The following MTO1 variants were observed in gnomAD, a reference collection of about 807,000 sequenced individuals.
The protein encoded by MTO1 is mitochondrial tRNA translation optimization 1, also known as 5-taurinomethyluridine-[tRNA] synthase subunit MTO1, mitochondrial.
In MTO1, 46 loss-of-function variants were observed where a neutral mutation model predicts 71.6. The ratio of observed to expected loss-of-function variants is 0.64; its 90% CI spans 0.51 to 0.82. The LOEUF (loss-of-function observed/expected upper bound fraction) is 0.82. Among genes scored for constraint, MTO1 ranks in the 40% least tolerant of loss-of-function variants. The pLI, the probability that MTO1 is intolerant of heterozygous loss-of-function variation, is 0.00. For missense variants in MTO1, 773 were observed against 867.5 expected (o/e 0.89, Z 1.37); for synonymous variants, 297 against 312.1 (o/e 0.95, Z 0.51).
In MTO1 at chr6:73,504,486, T is replaced by C. The variant is rs1561957491; in HGVS notation, c.*3751T>C. ...TAAGAAGATATAAGCCTTGTAAATA[T>C]AAGCAATATCACAGTTGTAGATACT... On this transcript the variant is annotated 3_prime_UTR_variant, in exon 12 of 12. Transcript: ENST00000498286. The C allele has an allele frequency of 6.6e-6, 1 of 152,220 alleles. No individual in the cohort carries two copies. Among genetic ancestry groups the C allele is most frequent in the Non-Finnish European group, 1.5e-5 (1 of 68,038 alleles). 9.4% of individuals were successfully genotyped at this position (152,220 alleles called of 1,614,324 possible). A position where few individuals can be genotyped will look rare whatever the true frequency, so the allele number is the denominator to read the frequency against.
intron 10 of MTO1, among the ~76,000 whole-genome samples, chr6:73,494,376 T>A (rs1023480053): frequency 1.3e-5 from 2 of 151,986 alleles, no homozygotes; most frequent in African/African-American, 4.8e-5. Context: ...CAAAGTTGGA[T>A]GATGGTGTGC....
At chr6:73,484,146 A>G (rs567229860) in intron 9 of MTO1, among the ~76,000 whole-genome samples, 60 of 152,302 alleles carry the variant, frequency 3.9e-4, no homozygotes, top group African/African-American at 1.4e-3. Flanking sequence ...TTTTAATAAT[A>G]GTAACAGCAG....
intron 9 of MTO1, among the ~76,000 whole-genome samples, chr6:73,485,351 T>C (rs1319624340): frequency 6.6e-6 from 1 of 152,210 alleles, no homozygotes; most frequent in African/African-American, 2.4e-5. Flanking sequence ...AGATTCCTTT[T>C]TAATTCAGGC....
rs1323983240 is a variant in MTO1 at position 73,477,411 on chromosome 6, A to G, written c.826-2321A>G. 1.3e-3 allele frequency among the ~76,000 whole-genome samples: 190 copies of G among 151,300 alleles called. 1 individual carries two copies. Among genetic ancestry groups the G allele is most frequent in the African/African-American group, 4.2e-3 (174 of 41,412 alleles). On this transcript the variant is annotated intron_variant, in intron 4 of 11. Coordinates refer to ENST00000498286, the MANE Select transcript of MTO1 (RefSeq NM_012123.4). ...TATGTCTCAAAAAAAAAAAAAAAAA[A>G]AAAAGAAATTCGGAGAATTTAACAC... is the stretch of plus-strand genomic sequence containing the variant.
At chr6:73,474,076 G>A (rs964428338) in intron 4 of MTO1, among the ~76,000 whole-genome samples, 12 of 150,356 alleles carry the variant, frequency 8.0e-5, no homozygotes, top group Admixed American at 6.0e-4. Context: ...GTAAACCACC[G>A]AACCCAGCCA....
chr6:73,499,970 A>G (rs895426529), intron 11 of MTO1, among the ~76,000 whole-genome samples: 1 of 152,222 alleles, frequency 6.6e-6, no homozygotes, highest in African/African-American at 2.4e-5. Flanking sequence ...GATATATCTT[A>G]TTACAAAAAC....
chr6:73,494,013 A>T (rs1771913432), intron 10 of MTO1, among the ~76,000 whole-genome samples: 1 of 151,944 alleles, frequency 6.6e-6, no homozygotes, highest in Non-Finnish European at 1.5e-5. Flanking sequence ...TGGGCAGATC[A>T]CCTGAGGTCA....
intron 11 of MTO1, among the ~76,000 whole-genome samples, chr6:73,500,050 A>G (rs954108476): frequency 6.6e-6 from 1 of 152,102 alleles, no homozygotes; most frequent in Non-Finnish European, 1.5e-5. Context: ...CCCAGGCTGG[A>G]GTGCAGTGGC....
chr6:73,478,650 T>C (rs964904828), intron 4 of MTO1, among the ~76,000 whole-genome samples: 6 of 152,182 alleles, frequency 3.9e-5, no homozygotes, highest in African/African-American at 1.2e-4. Flanking sequence ...GCGATTCTCC[T>C]GCCTGAGCCT....
At chr6:73,479,900 T>C (rs750609395) in intron 5 of MTO1, 36 bp from the exon 6 acceptor site, 137 of 1,603,894 alleles carry the variant, frequency 8.5e-5, no homozygotes, top group Non-Finnish European at 1.1e-4. Flanking sequence ...AATCCTCTTT[T>C]GTTCATTTCA....
In MTO1 at chr6:73,503,244, G is replaced by A. The variant is rs1033417886; in HGVS notation, c.*2509G>A. ...ATGCCTCAGCCTCCCAAGTGGCTGG[G>A]ACTACAGGCACATGCCACCATGCCT... On this transcript the variant is annotated 3_prime_UTR_variant, in exon 12 of 12. Coordinates refer to ENST00000498286, the MANE Select transcript of MTO1 (RefSeq NM_012123.4). 10 of 152,112 alleles carry A rather than the reference G, an allele frequency of 6.6e-5. No homozygotes were observed. The highest frequency in any genetic ancestry group is 2.2e-4 in the African/African-American group (9 of 41,384). The allele number at this position is 152,112 out of a possible 1,614,324, so 9.4% of individuals were successfully genotyped here.
chr6:73,470,932 G>A (rs1463476729), intron 3 of MTO1, among the ~76,000 whole-genome samples: 2 of 152,036 alleles, frequency 1.3e-5, no homozygotes, highest in Non-Finnish European at 2.9e-5. Flanking sequence ...CAGCCTGGGT[G>A]AGAGAGCAAG....
intron 11 of MTO1, among the ~76,000 whole-genome samples, chr6:73,499,059 T>G (rs1772080445): frequency 6.6e-6 from 1 of 152,100 alleles, no homozygotes; most frequent in Non-Finnish European, 1.5e-5. Context: ...AAATTGATGG[T>G]GTGTCACAGT....
In MTO1 at chr6:73,500,632, GA is replaced by G. The variant is rs1561955913; in HGVS notation, c.1977del (p.Arg659SerfsTer3). ...CCTGCCGCCATCATCAATCTGCTGA[GA>G]TTTGTGAAGACCACTCAACGAAGAC... ...VTPAAIINLL[R>X]FVKTTQRRQS... On this transcript the variant is annotated frameshift_variant, in exon 12 of 12. Transcript: ENST00000498286. LOFTEE classifies it low-confidence loss of function (END_TRUNC). The G allele has an allele frequency of 6.2e-7, 1 of 1,613,940 alleles. No individual in the cohort carries two copies. The highest frequency in any genetic ancestry group is 1.3e-5 in the African/African-American group (1 of 75,010).
chr6:73,482,700 A>G (rs1771541080), intron 9 of MTO1, 80 bp downstream of exon 9: 5 of 1,183,290 alleles, frequency 4.2e-6, no homozygotes, highest in East Asian at 2.5e-5. Flanking sequence ...GACATTACCT[A>G]TGTGTTCCTA....
At chr6:73,472,020 C>T (rs1298021454) in intron 3 of MTO1, among the ~76,000 whole-genome samples, 1 of 152,090 alleles carries the variant, frequency 6.6e-6, no homozygotes, top group African/African-American at 2.4e-5. Flanking sequence ...GAGGACAAAA[C>T]CTTAATGTGT....
In MTO1 at chr6:73,488,811, A is replaced by G. The variant is rs557326357; in HGVS notation, c.1638-3423A>G. Among the ~76,000 whole-genome samples, 8 of 152,162 alleles carry G rather than the reference A, an allele frequency of 5.3e-5. No homozygotes were observed. The South Asian group carries it at 1.7e-3, about 32-fold the overall frequency. ...CACATGTCTGTAGTCCCAGCTACTGAGCGGGCTGAAGCACGAGAATTGCTT... is the reference window on the plus strand; with the variant it reads ...CACATGTCTGTAGTCCCAGCTACTGGGCGGGCTGAAGCACGAGAATTGCTT... On this transcript the variant is annotated intron_variant, in intron 9 of 11. Transcript: ENST00000498286.
intron 3 of MTO1, among the ~76,000 whole-genome samples, chr6:73,467,440 C>G (rs1469680411): frequency 6.6e-6 from 1 of 151,966 alleles, no homozygotes; most frequent in African/African-American, 2.4e-5. Flanking sequence ...CATGGAGAAA[C>G]ACATCTCTAC....
chr6:73,472,582 C>T (rs1771185858), intron 3 of MTO1, among the ~76,000 whole-genome samples: 1 of 152,100 alleles, frequency 6.6e-6, no homozygotes, highest in African/African-American at 2.4e-5. Flanking sequence ...TGGGAAGATA[C>T]TGCTCAAAGG....
Sources: allele counts gnomAD v4.1 joint callset (sites outside exome capture counted in the v4.1 genomes callset), GRCh38; gene constraint gnomAD v4.1.1; transcripts MANE v1.5; gene names NCBI Gene and HGNC (gene_info 2026-07-23, HGNC 2026-07-21).